Variants in PRLR observed in about 807,000 individuals in gnomAD.
The protein encoded by PRLR is hPRL receptor.
PRLR carries 13 observed loss-of-function variants against 40.2 expected under a neutral mutation model. The observed-to-expected ratio is 0.32, with a 90% CI of 0.21 to 0.51. PRLR has a LOEUF of 0.51. Ranked by LOEUF, PRLR falls within the 20% of genes least tolerant of loss-of-function variation. The pLI, the probability that PRLR is intolerant of heterozygous loss-of-function variation, is 0.97. For synonymous variants in PRLR, 269 were observed against 278.7 expected, an observed-to-expected ratio of 0.97 and a Z score of 0.35; for missense variants, 656 against 747.3, an observed-to-expected ratio of 0.88 and a Z score of 1.42.
At chr5:35,105,895 G>A (rs1469127318) in intron 2 of PRLR, among the ~76,000 whole-genome samples, 1 of 152,112 alleles carries the variant, frequency 6.6e-6, no homozygotes, top group Non-Finnish European at 1.5e-5. Flanking sequence ...GATACTCCTC[G>A]AGAAGAGCAA....
chr5:35,081,938 A>G, intron 5 of PRLR: 1 of 203,654 alleles, frequency 4.9e-6, no homozygotes, highest in Admixed American at 4.6e-5. Flanking sequence ...TCCTGGTATG[A>G]CAGTGAATTA....
At chr5:35,116,514 C>G (rs1025830565) in intron 2 of PRLR, among the ~76,000 whole-genome samples, 12 of 152,184 alleles carry the variant, frequency 7.9e-5, no homozygotes, top group African/African-American at 2.9e-4. Flanking sequence ...GGGAGCTTTG[C>G]AACACAGCTC....
chr5:35,177,949 G>T (rs1225884459), intron 1 of PRLR, among the ~76,000 whole-genome samples: 1 of 150,928 alleles, frequency 6.6e-6, no homozygotes, highest in Non-Finnish European at 1.5e-5. Context: ...GTTCTAAATT[G>T]TCCACATCCT....
At chr5:35,112,879 A>G (rs1772746915) in intron 2 of PRLR, among the ~76,000 whole-genome samples, 1 of 152,170 alleles carries the variant, frequency 6.6e-6, no homozygotes, top group African/African-American at 2.4e-5. Context: ...TTCTTTGCAG[A>G]AAAGTCATCT....
At chr5:35,229,394 G>GT (rs1776636462) in intron 1 of PRLR, among the ~76,000 whole-genome samples, 1 of 152,116 alleles carries the variant, frequency 6.6e-6, no homozygotes, top group South Asian at 2.1e-4. Flanking sequence ...TACGTTGCTT[G>GT]TTTTCAGGGC....
chr5:35,089,000 G>T (rs938947335), intron 3 of PRLR, among the ~76,000 whole-genome samples: 2 of 152,122 alleles, frequency 1.3e-5, no homozygotes, highest in Non-Finnish European at 2.9e-5. Flanking sequence ...AAATGCACAT[G>T]GGTTGACATA....
At chr5:35,068,946 A>T in intron 7 of PRLR, 68 bp from the exon 8 acceptor site, 1 of 1,182,948 alleles carries the variant, frequency 8.5e-7, no homozygotes, top group Non-Finnish European at 1.2e-6. Flanking sequence ...AACCTAATGA[A>T]TGAAACTCTT....
intron 1 of PRLR, among the ~76,000 whole-genome samples, chr5:35,206,154 G>A (rs567023939): frequency 5.2e-4 from 79 of 152,220 alleles, no homozygotes; most frequent in African/African-American, 1.8e-3. Flanking sequence ...AAAAGGGGTT[G>A]TAGAGGAGCC....
At chr5:35,201,715 TCCTCTC>T in intron 1 of PRLR, among the ~76,000 whole-genome samples, 1 of 152,054 alleles carries the variant, frequency 6.6e-6, no homozygotes, top group Middle Eastern at 3.2e-3. Flanking sequence ...TCTTCTCTTC[TCCTCTC>T]CTCTTTTCTT....
intron 2 of PRLR, among the ~76,000 whole-genome samples, chr5:35,117,095 A>G (rs1027603821): frequency 5.3e-5 from 8 of 152,144 alleles, no homozygotes; most frequent in Non-Finnish European, 8.8e-5. Flanking sequence ...CTGAGCATCA[A>G]ATGATGCACA....
rs1161113866 is a variant in PRLR at position 35,113,488 on chromosome 5, T to TCCATCCAC, written c.-44+4572_-44+4573insGTGGATGG. On this transcript the variant is annotated intron_variant, in intron 2 of 9. Transcript: ENST00000618457. ...ATCCATCCATCCATCCATCCATCCATCCACCCACCCACCTATCTATCCACC... is the reference window on the plus strand; with the variant it reads ...ATCCATCCATCCATCCATCCATCCATCCATCCACCCACCCACCCACCTATCTATCCACC... 3.0e-3 allele frequency among the ~76,000 whole-genome samples: 239 copies of TCCATCCAC among 80,216 alleles called. 7 individuals are homozygous for TCCATCCAC. The highest frequency in any genetic ancestry group is 0.013 in the African/African-American group (186 of 14,524). 52.6% of individuals were successfully genotyped at this position (80,216 alleles called of 152,430 possible). A position where few individuals can be genotyped will look rare whatever the true frequency, so the allele number is the denominator to read the frequency against.
chr5:35,081,396 C>T (rs1770507063), intron 5 of PRLR: 2 of 210,018 alleles, frequency 9.5e-6, no homozygotes. Flanking sequence ...ATGGCATGGC[C>T]TTCCATGTCC....
At chr5:35,054,458 A>G (rs1768624960), downstream of PRLR, among the ~76,000 whole-genome samples, 2 of 152,200 alleles carry the variant, frequency 1.3e-5, no homozygotes, top group Non-Finnish European at 2.9e-5. Flanking sequence ...GCAGTGGTAT[A>G]CACACAACTT....
At chr5:35,097,756 G>A (rs1458256977) in intron 2 of PRLR, among the ~76,000 whole-genome samples, 1 of 152,170 alleles carries the variant, frequency 6.6e-6, no homozygotes, top group East Asian at 1.9e-4. Flanking sequence ...TTCAATAGCA[G>A]TAGGTATTCC....
chr5:35,059,636 C>A lies in PRLR; in HGVS notation c.*5453G>T, dbSNP rs926485965. The A allele has an allele frequency of 6.6e-6, 1 of 152,064 alleles. No homozygotes were observed. Among genetic ancestry groups the A allele is most frequent in the African/African-American group, 2.4e-5 (1 of 41,408 alleles). 9.4% of individuals were successfully genotyped at this position (152,064 alleles called of 1,614,324 possible). On this transcript the variant is annotated 3_prime_UTR_variant, in exon 10 of 10. Coordinates refer to ENST00000618457, the MANE Select transcript of PRLR (RefSeq NM_000949.7). Reference sequence around the variant, plus strand: ...CTTTTTCCTTTTATCAAAATGGGTGCCATGAGGGTCCCAGACCAAAACTCA... The same window carrying A: ...CTTTTTCCTTTTATCAAAATGGGTGACATGAGGGTCCCAGACCAAAACTCA...
intron 1 of PRLR, among the ~76,000 whole-genome samples, chr5:35,228,232 C>CA (rs55934270): frequency 0.016 from 1,387 of 87,322 alleles, 55 homozygotes; most frequent in African/African-American, 0.038. Flanking sequence ...AACAACCATG[C>CA]AAAAAAAAAA....
intron 2 of PRLR, among the ~76,000 whole-genome samples, chr5:35,108,153 G>T (rs1053600591): frequency 1.3e-5 from 2 of 152,000 alleles, no homozygotes; most frequent in Non-Finnish European, 2.9e-5. Context: ...ATGCAGAAAA[G>T]CCTTCAACAA....
chr5:35,203,855 T>C (rs199772686), intron 1 of PRLR, among the ~76,000 whole-genome samples: 1 of 125,598 alleles, frequency 8.0e-6, no homozygotes, highest in African/African-American at 2.7e-5. Flanking sequence ...ATTTAGGTAG[T>C]TGAGCTTTCC....
chr5:35,124,369 T>C (rs948556563), intron 1 of PRLR, among the ~76,000 whole-genome samples: 1 of 151,790 alleles, frequency 6.6e-6, no homozygotes, highest in Non-Finnish European at 1.5e-5. Context: ...CTCCTCCTCA[T>C]GGTGCATGCT....
Sources: gnomAD v4.1 joint callset for allele counts (sites outside exome capture counted in the v4.1 genomes callset) on GRCh38, gnomAD v4.1.1 for gene constraint, MANE v1.5 for transcripts, NCBI Gene and HGNC (gene_info 2026-07-23, HGNC 2026-07-21) for gene names.